Variants in FBXO10 observed in about 807,000 individuals in gnomAD.
FBXO10 encodes F-box protein 10, also known as F-box only protein 10.
FBXO10 carries 39 observed loss-of-function variants against 80.7 expected under a neutral mutation model. That is an observed-to-expected ratio of 0.48 (90% CI 0.37 to 0.63). The LOEUF is 0.63. FBXO10 is among the 30% of genes least tolerant of loss of function. The pLI is 0.00. For missense variants in FBXO10, 1,025 were observed against 1,269.0 expected, an observed-to-expected ratio of 0.81 and a Z score of 2.92; for synonymous variants, 449 against 489.6, an observed-to-expected ratio of 0.92 and a Z score of 1.09.
chr9:37,573,783 G>A (rs1376719002), intron 1 of FBXO10, among the ~76,000 whole-genome samples: 1 of 152,202 alleles, frequency 6.6e-6, no homozygotes, highest in African/African-American at 2.4e-5. Flanking sequence ...CATCTAAACT[G>A]AAATAGACAA....
intron 1 of FBXO10, among the ~76,000 whole-genome samples, chr9:37,559,779 A>G (rs1822431142): frequency 6.6e-6 from 1 of 152,230 alleles, no homozygotes; most frequent in Non-Finnish European, 1.5e-5. Context: ...GCAACATTTG[A>G]GATGACGGTT....
At chr9:37,531,096 G>A (rs1394037055) in intron 4 of FBXO10, among the ~76,000 whole-genome samples, 1 of 152,162 alleles carries the variant, frequency 6.6e-6, no homozygotes, top group East Asian at 1.9e-4. Context: ...CTATAAAATA[G>A]GGATGATAAT....
In FBXO10 at chr9:37,512,398, C is replaced by A; in HGVS notation, c.*149G>T. 1 of 695,484 alleles carries A rather than the reference C, an allele frequency of 1.4e-6. No individual in the cohort carries two copies. The highest frequency in any genetic ancestry group is 2.3e-5 in the South Asian group (1 of 42,764). 43.1% of individuals were successfully genotyped at this position (695,484 alleles called of 1,614,324 possible). A position where few individuals can be genotyped will look rare whatever the true frequency, so the allele number is the denominator to read the frequency against. On this transcript the variant is annotated 3_prime_UTR_variant, in exon 11 of 11. Transcript: ENST00000432825. ...TTTCTTCTTGCTATGGGCTGTGGAG[C>A]TGAAGTGTTCTGGAGGTACCGTGTT...
Position 37,531,891 on chromosome 9 carries a change from G to C in FBXO10, c.1569+18C>G, listed in dbSNP as rs760586783. On this transcript the variant is annotated intron_variant, in intron 4 of 10. Transcript: ENST00000432825. ...GAAAACCAAGAGTCACCCTGAATAG[G>C]GAACGAACACAAAGTACCAGTATGA... 8 of 1,611,028 alleles carry C rather than the reference G, an allele frequency of 5.0e-6. No individual in the cohort carries two copies. In the South Asian group the frequency reaches 5.5e-5, roughly 11 times the overall value.
At chr9:37,524,793 C>T (rs552920191) in intron 6 of FBXO10, among the ~76,000 whole-genome samples, 32 of 152,256 alleles carry the variant, frequency 2.1e-4, no homozygotes, top group African/African-American at 6.7e-4. Flanking sequence ...GGCAGAGGTC[C>T]GCACAAAGAC....
intron 3 of FBXO10, among the ~76,000 whole-genome samples, chr9:37,535,594 G>A (rs972886027): frequency 1.3e-5 from 2 of 152,020 alleles, no homozygotes; most frequent in African/African-American, 4.8e-5. Context: ...CTGAGCTCAG[G>A]CAATCTGCCC....
intron 4 of FBXO10, among the ~76,000 whole-genome samples, chr9:37,529,656 C>A (rs1301804710): frequency 6.6e-6 from 1 of 152,150 alleles, no homozygotes; most frequent in African/African-American, 2.4e-5. Context: ...CCAGTGCAAC[C>A]AAATGTTGGC....
At chr9:37,565,110 T>C (rs917761665) in intron 1 of FBXO10, among the ~76,000 whole-genome samples, 4 of 152,180 alleles carry the variant, frequency 2.6e-5, no homozygotes, top group Non-Finnish European at 5.9e-5. Flanking sequence ...TCTGATGCTT[T>C]TATAAGTCTC....
chr9:37,537,050 C>T, intron 3 of FBXO10, 60 bp downstream of exon 3: 2 of 1,342,402 alleles, frequency 1.5e-6, no homozygotes, highest in Non-Finnish European at 2.1e-6. Context: ...ATAGCCCCAT[C>T]AAACCCTTCC....
At chr9:37,541,892 G>A (rs1460937968) in intron 1 of FBXO10, 118 bp from the exon 2 acceptor site, 8 of 816,564 alleles carry the variant, frequency 9.8e-6, no homozygotes, top group Middle Eastern at 3.6e-4. Context: ...GCAGTGGTGC[G>A]ATCTTGGCCT....
chr9:37,562,821 C>T (rs946337143), intron 1 of FBXO10, among the ~76,000 whole-genome samples: 2 of 152,196 alleles, frequency 1.3e-5, no homozygotes, highest in African/African-American at 4.8e-5. Context: ...TGGTTAGCAC[C>T]TTGTGAGTCA....
At position 37,512,318 on chromosome 9, in the gene FBXO10, G is replaced by A. The variant is rs1276852668; in HGVS notation, c.*229C>T. 3 of 432,606 alleles carry A rather than the reference G, an allele frequency of 6.9e-6. No homozygotes were observed. In the South Asian group the frequency reaches 1.5e-4, roughly 22 times the overall value. 26.8% of individuals were successfully genotyped at this position (432,606 alleles called of 1,614,324 possible). ...GCTCTTCACAATCTTTATAGACTTCGAGTGACTGGAAACCCACCAGCTTCT... is the reference window on the plus strand; with the variant it reads ...GCTCTTCACAATCTTTATAGACTTCAAGTGACTGGAAACCCACCAGCTTCT... On this transcript the variant is annotated 3_prime_UTR_variant, in exon 11 of 11. Coordinates refer to ENST00000432825, the MANE Select transcript of FBXO10 (RefSeq NM_012166.3).
At chr9:37,553,860 G>A (rs537925658) in intron 1 of FBXO10, among the ~76,000 whole-genome samples, 3 of 141,904 alleles carry the variant, frequency 2.1e-5, no homozygotes, top group South Asian at 2.2e-4. Flanking sequence ...AGGTTGCGGT[G>A]AGCCGAGATC....
intron 1 of FBXO10, among the ~76,000 whole-genome samples, chr9:37,558,920 C>T (rs1292900288): frequency 6.6e-6 from 1 of 151,978 alleles, no homozygotes; most frequent in Non-Finnish European, 1.5e-5. Context: ...AACTGATTCT[C>T]CTGCCTCAGC....
At chr9:37,536,466 G>A (rs1288336640) in intron 3 of FBXO10, among the ~76,000 whole-genome samples, 1 of 152,112 alleles carries the variant, frequency 6.6e-6, no homozygotes, top group Non-Finnish European at 1.5e-5. Flanking sequence ...TTGTCGCAGT[G>A]GCTAGAAGGA....
At chr9:37,569,395 CAAA>C (rs35292200) in intron 1 of FBXO10, among the ~76,000 whole-genome samples, 4 of 123,106 alleles carry the variant, frequency 3.2e-5, no homozygotes, top group Non-Finnish European at 6.6e-5. Context: ...AGATATAAAG[CAAA>C]AAAAAAAAAA....
chr9:37,573,602 T>C (rs1822815413), intron 1 of FBXO10, among the ~76,000 whole-genome samples: 1 of 152,094 alleles, frequency 6.6e-6, no homozygotes, highest in African/African-American at 2.4e-5. Context: ...AGAGTGACAG[T>C]AAGACTGACC....
At chr9:37,542,304 T>C (rs893133259) in intron 1 of FBXO10, among the ~76,000 whole-genome samples, 1 of 152,086 alleles carries the variant, frequency 6.6e-6, no homozygotes, top group East Asian at 2.0e-4. Flanking sequence ...GTTATAAAGA[T>C]ATGACTCCAG....
intron 1 of FBXO10, among the ~76,000 whole-genome samples, chr9:37,555,492 T>G (rs1822312379): frequency 6.6e-6 from 1 of 152,128 alleles, no homozygotes. Flanking sequence ...GCGATTCTCC[T>G]GCCTCAGCCT....
Sources: gnomAD v4.1 joint callset for allele counts (sites outside exome capture counted in the v4.1 genomes callset) on GRCh38, gnomAD v4.1.1 for gene constraint, MANE v1.5 for transcripts, NCBI Gene and HGNC (gene_info 2026-07-23, HGNC 2026-07-21) for gene names.